COL4A5: variants seen among roughly 807,000 people sequenced by gnomAD.
The protein encoded by COL4A5 is collagen alpha-5(IV) chain.
A neutral mutation model predicts 130.2 loss-of-function variants in COL4A5; 26 were observed. That is an observed-to-expected ratio of 0.20 (90% CI 0.15 to 0.28). COL4A5 has a LOEUF of 0.28. COL4A5 is among the 10% of genes least tolerant of loss of function. The probability of loss-of-function intolerance (pLI) is 1.00; values close to 1 mark genes in which losing one functional copy is unlikely to be tolerated. For missense variants in COL4A5, 1,131 were observed against 1,344.3 expected (o/e 0.84, Z 2.48); for synonymous variants, 496 against 439.6 (o/e 1.13, Z -1.60).
chrX:108,614,831 T>C (rs934212639), intron 29 of COL4A5, 80 bp from the exon 30 acceptor site: 1 of 685,678 alleles, frequency 1.5e-6, no homozygotes, highest in Admixed American at 2.4e-5. Flanking sequence ...TTCAAGATTC[T>C]TGCTTAATAT....
chrX:108,566,384 A>G (rs761966568), intron 4 of COL4A5, among the ~76,000 whole-genome samples: 27 of 110,402 alleles, frequency 2.4e-4, no homozygotes, highest in Admixed American at 2.4e-3. Context: ...AGAAAACTCC[A>G]TTGATCTTTC....
chrX:108,606,719 GT>G, intron 28 of COL4A5, 22 bp from the exon 29 acceptor site: 1 of 1,210,635 alleles, frequency 8.3e-7, no homozygotes, highest in Non-Finnish European at 1.1e-6. Context: ...TTTTTGTTGT[GT>G]TTTGTCATGT....
intron 22 of COL4A5, among the ~76,000 whole-genome samples, chrX:108,596,611 A>G (rs1469856320): frequency 1.8e-5 from 2 of 112,077 alleles, no homozygotes; most frequent in South Asian, 7.4e-4. Flanking sequence ...GGAAAACTGC[A>G]TAAGTCAGAA....
At chrX:108,608,139 A>T (rs895540205) in intron 29 of COL4A5, among the ~76,000 whole-genome samples, 1 of 111,896 alleles carries the variant, frequency 8.9e-6, no homozygotes, top group Non-Finnish European at 1.9e-5. Context: ...ATATTGTCAG[A>T]TTCCTCTCAA....
chrX:108,551,468 G>A (rs1177254923), intron 2 of COL4A5, among the ~76,000 whole-genome samples: 4 of 111,722 alleles, frequency 3.6e-5, no homozygotes, highest in African/African-American at 1.3e-4. Flanking sequence ...CATTGTCTCC[G>A]TTAAAATGGC....
At chrX:108,596,753 T>C (rs1488095445) in intron 22 of COL4A5, among the ~76,000 whole-genome samples, 3 of 112,223 alleles carry the variant, frequency 2.7e-5, no homozygotes, top group Non-Finnish European at 5.6e-5. Context: ...GAGTTGAAAG[T>C]TTCTTAGGAT....
At chrX:108,479,695 C>T (rs910542682) in intron 1 of COL4A5, among the ~76,000 whole-genome samples, 1 of 111,518 alleles carries the variant, frequency 9.0e-6, no homozygotes, top group Non-Finnish European at 1.9e-5. Context: ...AGGACCTGCT[C>T]GAGCCCAATC....
intron 49 of COL4A5, chrX:108,689,447 A>G: frequency 1.3e-6 from 1 of 753,372 alleles, no homozygotes; most frequent in Non-Finnish European, 1.6e-6. Context: ...TCAGCATGTA[A>G]TTATAACTTT....
chrX:108,447,689 T>C (rs762012898), intron 1 of COL4A5, among the ~76,000 whole-genome samples: 1 of 111,969 alleles, frequency 8.9e-6, no homozygotes, highest in Non-Finnish European at 1.9e-5. Context: ...ACAGTGACTA[T>C]GGAATTGATG....
At chrX:108,540,595 C>G (rs757346543) in intron 2 of COL4A5, among the ~76,000 whole-genome samples, 44 of 111,035 alleles carry the variant, frequency 4.0e-4, no homozygotes, top group Admixed American at 6.7e-4. Flanking sequence ...GGATTGTAGG[C>G]ATGCACCACC....
intron 1 of COL4A5, among the ~76,000 whole-genome samples, chrX:108,526,718 TTTCTTTC>T (rs1381236891): frequency 1.4e-4 from 13 of 91,432 alleles, no homozygotes; most frequent in Non-Finnish European, 2.8e-4. Flanking sequence ...TCTTTCTTTC[TTTCTTTC>T]TTCCTCCTCC....
chrX:108,495,408 A>G (rs764539457), intron 1 of COL4A5, among the ~76,000 whole-genome samples: 293 of 111,942 alleles, frequency 2.6e-3, no homozygotes, highest in African/African-American at 9.0e-3. Flanking sequence ...AACACTAGCT[A>G]TAAACGGAGA....
intron 2 of COL4A5, among the ~76,000 whole-genome samples, chrX:108,554,569 C>T (rs902659133): frequency 9.0e-6 from 1 of 111,634 alleles, no homozygotes; most frequent in African/African-American, 3.3e-5. Context: ...ATATATGTGT[C>T]AAAACTTTTG....
chrX:108,568,254 A>G (rs1226292402), intron 4 of COL4A5, among the ~76,000 whole-genome samples: 2 of 111,287 alleles, frequency 1.8e-5, no homozygotes, highest in Admixed American at 1.9e-4. Flanking sequence ...GGGGGTGATC[A>G]CTATTAATGT....
chrX:108,556,136 G>A (rs1275877355), intron 2 of COL4A5, among the ~76,000 whole-genome samples: 2 of 111,408 alleles, frequency 1.8e-5, no homozygotes, highest in Non-Finnish European at 3.8e-5. Context: ...TGAATTCAGT[G>A]TTGTTTATAT....
chrX:108,672,827 G>T (rs1014098639), intron 42 of COL4A5, among the ~76,000 whole-genome samples: 1 of 111,689 alleles, frequency 9.0e-6, no homozygotes, highest in Non-Finnish European at 1.9e-5. Flanking sequence ...TATATAAAAT[G>T]TCTTTACTCA....
intron 27 of COL4A5, 73 bp downstream of exon 27, chrX:108,602,062 C>T: frequency 1.8e-6 from 1 of 552,258 alleles, no homozygotes; most frequent in Non-Finnish European, 3.1e-6. Context: ...AAAATTCATT[C>T]AACAAATAAA....
chrX:108,671,072 C>T (rs370763453), intron 42 of COL4A5, among the ~76,000 whole-genome samples: 1 of 110,695 alleles, frequency 9.0e-6, no homozygotes, highest in Non-Finnish European at 1.9e-5. Context: ...GCACAGATTA[C>T]GAGGTTCTTA....
At chrX:108,655,777 C>T (rs1178908941) in intron 37 of COL4A5, among the ~76,000 whole-genome samples, 2 of 112,440 alleles carry the variant, frequency 1.8e-5, no homozygotes, top group East Asian at 5.6e-4. Context: ...ATATATACTT[C>T]CAAGCCTCTG....
Sources: allele counts gnomAD v4.1 joint callset (sites outside exome capture counted in the v4.1 genomes callset), GRCh38; gene constraint gnomAD v4.1.1; transcripts MANE v1.5; gene names NCBI Gene and HGNC (gene_info 2026-07-23, HGNC 2026-07-21).